Variants in UIMC1 observed in about 807,000 individuals in gnomAD.
The protein encoded by UIMC1 is ubiquitin interaction motif containing 1.
A neutral mutation model predicts 84.9 loss-of-function variants in UIMC1; 42 were observed. The observed-to-expected ratio is 0.49, with a 90% CI of 0.39 to 0.64. The LOEUF (loss-of-function observed/expected upper bound fraction) is 0.64. UIMC1 is among the 30% of genes least tolerant of loss of function. UIMC1 has a pLI of 0.00. For missense variants in UIMC1, 825 were observed against 847.6 expected, an observed-to-expected ratio of 0.97 and a Z score of 0.33; for synonymous variants, 281 against 293.0, an observed-to-expected ratio of 0.96 and a Z score of 0.42.
exon 1 of UIMC1, chr5:177,022,583 G>T: frequency 1.3e-6 from 1 of 744,510 alleles, no homozygotes; most frequent in Non-Finnish European, 2.0e-6. Flanking sequence ...AGGTACCAGA[G>T]GTAGCAAAGC....
chr5:176,919,804 A>G (rs1172176292), intron 10 of UIMC1, among the ~76,000 whole-genome samples: 1 of 152,120 alleles, frequency 6.6e-6, no homozygotes, highest in Non-Finnish European at 1.5e-5. Context: ...ATTGCCCACA[A>G]ATGTATGGTT....
At chr5:176,911,268 G>T in intron 11 of UIMC1, 43 bp downstream of exon 11, 1 of 1,508,472 alleles carries the variant, frequency 6.6e-7, no homozygotes. Flanking sequence ...CCAAACGATG[G>T]TATGTTATAC....
intron 1 of UIMC1, among the ~76,000 whole-genome samples, chr5:177,005,523 A>T (rs1427719037): frequency 1.3e-5 from 2 of 151,898 alleles, no homozygotes; most frequent in Non-Finnish European, 2.9e-5. Context: ...CAAGTGTGTA[A>T]CAATACAATC....
intron 10 of UIMC1, among the ~76,000 whole-genome samples, chr5:176,941,510 A>G (rs1045689373): frequency 2.6e-5 from 4 of 152,232 alleles, no homozygotes; most frequent in African/African-American, 9.6e-5. Context: ...TCCTTATTTA[A>G]TAACTAAAAA....
Position 176,970,722 on chromosome 5 carries a change from T to C in UIMC1, c.357+20A>G, listed in dbSNP as rs1458962405. On this transcript the variant is annotated intron_variant, in intron 4 of 14. Transcript: ENST00000511320. ...ATAGCTGATCAATCTCCACAAACTT[T>C]TGCAACATGGCATATTTACATTCAG... 1.2e-6 allele frequency: 2 copies of C among 1,613,928 alleles called. No homozygotes were observed. Among genetic ancestry groups the C allele is most frequent in the South Asian group, 1.1e-5 (1 of 91,088 alleles).
chr5:176,991,986 G>A (rs1772928213), intron 1 of UIMC1, among the ~76,000 whole-genome samples: 1 of 152,060 alleles, frequency 6.6e-6, no homozygotes, highest in Non-Finnish European at 1.5e-5. Context: ...GCCAGGTGTG[G>A]TGGTGCACAC....
At chr5:176,965,351 G>A (rs1768125934) in intron 6 of UIMC1, among the ~76,000 whole-genome samples, 1 of 151,806 alleles carries the variant, frequency 6.6e-6, no homozygotes, top group Admixed American at 6.6e-5. Context: ...GAACCCGGGA[G>A]GTGGAGCTTA....
At chr5:176,905,832 A>C (rs1759290545) in intron 14 of UIMC1, 179 bp downstream of exon 14, 1 of 668,850 alleles carries the variant, frequency 1.5e-6, no homozygotes, top group African/African-American at 1.8e-5. Context: ...GAATGAATTG[A>C]GTTATCCAAT....
intron 13 of UIMC1, 123 bp downstream of exon 13, chr5:176,906,991 G>C (rs1372762891): frequency 2.5e-5 from 23 of 932,466 alleles, no homozygotes; most frequent in Admixed American, 1.0e-4. Flanking sequence ...AGTCTCAAAG[G>C]CTGGCTGACT....
intron 10 of UIMC1, among the ~76,000 whole-genome samples, chr5:176,920,310 G>A (rs534509617): frequency 1.3e-5 from 2 of 152,268 alleles, no homozygotes; most frequent in East Asian, 1.9e-4. Context: ...TTACAGGCGT[G>A]AGCCACCATG....
At chr5:176,999,338 T>C (rs1439540083) in intron 1 of UIMC1, among the ~76,000 whole-genome samples, 1 of 152,202 alleles carries the variant, frequency 6.6e-6, no homozygotes, top group Non-Finnish European at 1.5e-5. Context: ...TTGTTACAGG[T>C]ACACAATATG....
At chr5:176,998,727 A>ATTT (rs1010509855) in intron 1 of UIMC1, among the ~76,000 whole-genome samples, 2 of 152,064 alleles carry the variant, frequency 1.3e-5, no homozygotes, top group Non-Finnish European at 2.9e-5. Context: ...AGATCATGCC[A>ATTT]TTGCACTCTG....
chr5:176,999,188 T>G (rs963793722), intron 1 of UIMC1, among the ~76,000 whole-genome samples: 13 of 152,102 alleles, frequency 8.5e-5, no homozygotes, highest in Non-Finnish European at 1.6e-4. Context: ...ATAATAATAA[T>G]AATCCTCAAA....
At chr5:176,992,209 T>C (rs997927847) in intron 1 of UIMC1, among the ~76,000 whole-genome samples, 6 of 152,190 alleles carry the variant, frequency 3.9e-5, no homozygotes, top group Non-Finnish European at 8.8e-5. Context: ...AATCTATAGA[T>C]TGGCTTCAGG....
Position 176,993,157 on chromosome 5 carries a change from G to C in UIMC1, c.-8-10534C>G, listed in dbSNP as rs1466616183. 2.0e-5 allele frequency among the ~76,000 whole-genome samples: 3 copies of C among 149,498 alleles called. No homozygotes were observed. The East Asian group carries it at 5.9e-4, about 30-fold the overall frequency. On this transcript the variant is annotated intron_variant, in intron 1 of 14. Transcript: ENST00000511320. ...GACTGTGCCACTGCACTCCAGCCTGGGCAACAGAGCAAGACTCCATCTCAA... is the reference window on the plus strand; with the variant it reads ...GACTGTGCCACTGCACTCCAGCCTGCGCAACAGAGCAAGACTCCATCTCAA...
At chr5:176,925,493 C>A (rs1419125453) in intron 10 of UIMC1, among the ~76,000 whole-genome samples, 1 of 152,044 alleles carries the variant, frequency 6.6e-6, no homozygotes, top group Non-Finnish European at 1.5e-5. Flanking sequence ...GATGTGAAAT[C>A]TTATGCTCAC....
At chr5:177,013,361 A>ACACACAC (rs1775598739) in intron 1 of UIMC1, among the ~76,000 whole-genome samples, 7 of 137,730 alleles carry the variant, frequency 5.1e-5, no homozygotes, top group African/African-American at 8.2e-5. Flanking sequence ...ACTGCATCCA[A>ACACACAC]ACACACACAC....
At chr5:176,999,839 G>A (rs1244867250) in intron 1 of UIMC1, among the ~76,000 whole-genome samples, 1 of 152,122 alleles carries the variant, frequency 6.6e-6, no homozygotes, top group Non-Finnish European at 1.5e-5. Flanking sequence ...CTTGGCTATT[G>A]TAAATAGTGC....
rs115737314 is a variant in UIMC1, at chr5:177,017,230, C to T, written c.-9+5234G>A. Among the ~76,000 whole-genome samples the T allele has an allele frequency of 9.1e-3, 1,385 of 152,208 alleles. 9 individuals are homozygous for T. The highest frequency in any genetic ancestry group is 0.025 in the South Asian group (118 of 4,814). ...CTTCTTTACATCCTGTTAGTAAAAG[C>T]TAATCTGTGGCCACCTCTAATAGTT... On this transcript the variant is annotated intron_variant, in intron 1 of 5. Coordinates refer to the UIMC1 transcript ENST00000509236.
Sources: allele counts gnomAD v4.1 joint callset (sites outside exome capture counted in the v4.1 genomes callset), GRCh38; gene constraint gnomAD v4.1.1; transcripts MANE v1.5; gene names NCBI Gene and HGNC (gene_info 2026-07-23, HGNC 2026-07-21).